USP13: variants seen among roughly 807,000 people sequenced by gnomAD.
USP13 encodes the protein ubiquitin carboxyl-terminal hydrolase 13.
A neutral mutation model predicts 107.8 loss-of-function variants in USP13; 68 were observed. The observed-to-expected ratio is 0.63, with a 90% CI of 0.52 to 0.77. USP13 has a LOEUF of 0.77. USP13 is among the 30% of genes least tolerant of loss of function. The pLI, the probability that USP13 is intolerant of heterozygous loss-of-function variation, is 0.00. For missense variants in USP13, 945 were observed against 1,093.3 expected (o/e 0.86, Z 1.91); for synonymous variants, 377 against 389.5 (o/e 0.97, Z 0.38).
chr3:179,763,827 C>G (rs12631170), intron 17 of USP13, among the ~76,000 whole-genome samples, 175 bp from the exon 18 acceptor site: 1 of 151,946 alleles, frequency 6.6e-6, no homozygotes, highest in Non-Finnish European at 1.5e-5. Flanking sequence ...CTCAGGCGAT[C>G]CACTCGCCTT....
chr3:179,720,649 T>C (rs1713277672), intron 7 of USP13, among the ~76,000 whole-genome samples: 1 of 152,176 alleles, frequency 6.6e-6, no homozygotes. Context: ...TTTTACTTTT[T>C]TGTTTAGTTT....
chr3:179,723,453 A>G (rs1340565789), intron 8 of USP13, among the ~76,000 whole-genome samples: 2 of 152,200 alleles, frequency 1.3e-5, no homozygotes, highest in African/African-American at 4.8e-5. Context: ...TAATCATAGT[A>G]ACAACTGCAT....
At chr3:179,777,443 CTTTTTTTT>C (rs11317182) in intron 19 of USP13, among the ~76,000 whole-genome samples, 4 of 113,696 alleles carry the variant, frequency 3.5e-5, no homozygotes, top group African/African-American at 1.3e-4. Context: ...CTCTCTCTCT[CTTTTTTTT>C]TTTTTTTTTT....
At chr3:179,719,865 A>G in intron 6 of USP13, 75 bp from the exon 7 acceptor site, 1 of 1,262,638 alleles carries the variant, frequency 7.9e-7, no homozygotes, top group South Asian at 1.3e-5. Context: ...GTACAGTAGG[A>G]GTTCAAAAAA....
intron 3 of USP13, among the ~76,000 whole-genome samples, chr3:179,694,903 C>T (rs1043365818): frequency 6.6e-5 from 10 of 151,946 alleles, no homozygotes; most frequent in Admixed American, 2.0e-4. Context: ...TGTCAGCCTT[C>T]TCATAGAGCC....
chr3:179,775,026 C>G (rs113094598), intron 19 of USP13, among the ~76,000 whole-genome samples: 2 of 144,298 alleles, frequency 1.4e-5, no homozygotes, highest in African/African-American at 2.6e-5. Context: ...TGATTGGTGC[C>G]TTTACAAACC....
At chr3:179,667,347 C>A (rs577787498) in intron 1 of USP13, among the ~76,000 whole-genome samples, 2 of 152,250 alleles carry the variant, frequency 1.3e-5, no homozygotes, top group South Asian at 4.2e-4. Flanking sequence ...CCTGGAAATT[C>A]AATCTTCATG....
intron 3 of USP13, among the ~76,000 whole-genome samples, chr3:179,699,025 C>T (rs1248666180): frequency 1.3e-5 from 2 of 152,028 alleles, no homozygotes; most frequent in South Asian, 2.1e-4. Flanking sequence ...CGTGCCACCA[C>T]ACCCGGCTAA....
At position 179,708,873 on chromosome 3, in the gene USP13, G is replaced by T. The variant is rs764933451; in HGVS notation, c.721G>T (p.Gly241Cys). ...CGKWFFDSSG[G>C]NGHALEHYRD... is the part of the protein sequence containing the mutation. ...AAAGTGGTTCTTTGACAGCTCTGGG[G>T]GCAACGGGCATGCGCTGGAGCATTA... is the stretch of plus-strand genomic sequence containing the variant. Residue 241 changes from glycine to cysteine, a missense_variant, in exon 6 of 21, where the codon GGC becomes TGC. Coordinates refer to ENST00000263966, the MANE Select transcript of USP13 (RefSeq NM_003940.3). 38 of 1,614,010 alleles carry T rather than the reference G, an allele frequency of 2.4e-5. No homozygotes were observed. In the South Asian group the frequency reaches 3.6e-4, roughly 15 times the overall value.
At chr3:179,765,944 C>A in intron 19 of USP13, 96 bp downstream of exon 19, 13 of 1,290,660 alleles carry the variant, frequency 1.0e-5, no homozygotes, top group Non-Finnish European at 1.2e-5. Flanking sequence ...CCTTTGCCAT[C>A]ATTCAAAAGT....
intron 1 of USP13, among the ~76,000 whole-genome samples, chr3:179,656,670 G>A (rs575490376): frequency 2.0e-5 from 3 of 152,276 alleles, no homozygotes; most frequent in Middle Eastern, 3.4e-3. Context: ...CTTCCCAGTG[G>A]AGCTTCTTTT....
At chr3:179,675,810 A>G (rs1199814461) in intron 1 of USP13, among the ~76,000 whole-genome samples, 2 of 152,116 alleles carry the variant, frequency 1.3e-5, no homozygotes, top group Non-Finnish European at 2.9e-5. Flanking sequence ...GGCCTCCCAA[A>G]GTGCTGGGAT....
At chr3:179,684,772 T>A in intron 2 of USP13, among the ~76,000 whole-genome samples, 1 of 30,792 alleles carries the variant, frequency 3.2e-5, no homozygotes, top group African/African-American at 1.5e-4. Context: ...TTTATTTATT[T>A]TTCTTTCTTT....
At chr3:179,749,399 A>G (rs1376619915) in intron 13 of USP13, among the ~76,000 whole-genome samples, 1 of 152,186 alleles carries the variant, frequency 6.6e-6, no homozygotes, top group Non-Finnish European at 1.5e-5. Flanking sequence ...AATGATCTTT[A>G]TTTAAAACAT....
chr3:179,669,689 G>A (rs1720689839), intron 1 of USP13, among the ~76,000 whole-genome samples: 2 of 152,130 alleles, frequency 1.3e-5, no homozygotes, highest in South Asian at 2.1e-4. Flanking sequence ...TGGCTGTTGA[G>A]CACTTGAAAT....
chr3:179,669,471 TTAAA>T (rs1243302321), intron 1 of USP13, among the ~76,000 whole-genome samples: 2 of 151,056 alleles, frequency 1.3e-5, no homozygotes, highest in Non-Finnish European at 3.0e-5. Flanking sequence ...AAAAAAAAAA[TTAAA>T]TAAATAAATA....
intron 2 of USP13, 30 bp from the exon 3 acceptor site, chr3:179,690,211 C>T: frequency 6.2e-7 from 1 of 1,605,616 alleles, no homozygotes; most frequent in Non-Finnish European, 8.5e-7. Flanking sequence ...TTATAGGCCG[C>T]ATTTTAATGA....
intron 1 of USP13, among the ~76,000 whole-genome samples, chr3:179,654,690 A>G (rs1576900918): frequency 6.6e-6 from 1 of 152,190 alleles, no homozygotes; most frequent in African/African-American, 2.4e-5. Context: ...CAATGGTCTA[A>G]TGTATTTTAT....
At chr3:179,734,784 T>C (rs1713929556) in intron 10 of USP13, among the ~76,000 whole-genome samples, 1 of 152,252 alleles carries the variant, frequency 6.6e-6, no homozygotes. Flanking sequence ...ACAGACTTCA[T>C]ACACTTTTGT....
Sources: gnomAD v4.1 joint callset for allele counts (sites outside exome capture counted in the v4.1 genomes callset) on GRCh38, gnomAD v4.1.1 for gene constraint, MANE v1.5 for transcripts, NCBI Gene and HGNC (gene_info 2026-07-23, HGNC 2026-07-21) for gene names.